Variants in CPED1 observed in about 807,000 individuals in gnomAD.
CPED1 encodes cadherin like and PC-esterase domain containing 1.
In CPED1, 114 loss-of-function variants were observed where a neutral mutation model predicts 128.2. The ratio of observed to expected loss-of-function variants is 0.89; its 90% CI spans 0.76 to 1.04. The LOEUF (loss-of-function observed/expected upper bound fraction) is 1.04, where lower values mean the gene tolerates loss of function less well. CPED1 is among the 50% of genes least tolerant of loss of function. CPED1 has a pLI of 0.00. For missense variants in CPED1, 1,211 were observed against 1,207.1 expected, an observed-to-expected ratio of 1.00 and a Z score of -0.05; for synonymous variants, 462 against 426.7, an observed-to-expected ratio of 1.08 and a Z score of -1.02.
chr7:121,114,731 G>A (rs1295625915), intron 7 of CPED1, among the ~76,000 whole-genome samples: 1 of 152,124 alleles, frequency 6.6e-6, no homozygotes, highest in Non-Finnish European at 1.5e-5. Context: ...CAAAGGCCTT[G>A]GCCATATGTC....
rs189229363 is a variant in CPED1, at chr7:121,167,927, G to A, written c.2055+25786G>A. Reference sequence around the variant, plus strand: ...TTTTTGTATTTTTAGTAGAGATGGGGTTTCACCGTGTTAGCCAGGATGGTC... The same window carrying A: ...TTTTTGTATTTTTAGTAGAGATGGGATTTCACCGTGTTAGCCAGGATGGTC... On this transcript the variant is annotated intron_variant, in intron 16 of 22. Transcript: ENST00000310396. Among the ~76,000 whole-genome samples the A allele has an allele frequency of 4.8e-3, 723 of 151,980 alleles. 9 individuals are homozygous for A. The highest frequency in any genetic ancestry group is 0.016 in the African/African-American group (680 of 41,450).
chr7:121,262,233 G>A (rs569118077), intron 18 of CPED1, among the ~76,000 whole-genome samples: 1 of 152,134 alleles, frequency 6.6e-6, no homozygotes, highest in African/African-American at 2.4e-5. Context: ...AGCAGATGCT[G>A]GTGCCATGCT....
At chr7:121,294,253 A>T (rs1295802330) in intron 22 of CPED1, among the ~76,000 whole-genome samples, 1 of 152,210 alleles carries the variant, frequency 6.6e-6, no homozygotes, top group Non-Finnish European at 1.5e-5. Context: ...CCATGAATGA[A>T]ATCACAAGAA....
intron 4 of CPED1, among the ~76,000 whole-genome samples, chr7:121,054,350 A>G (rs1793437992): frequency 6.6e-6 from 1 of 152,182 alleles, no homozygotes; most frequent in African/African-American, 2.4e-5. Flanking sequence ...AGACAGTGAG[A>G]AAATTGGATC....
At chr7:121,132,518 C>T (rs1185189455) in intron 12 of CPED1, among the ~76,000 whole-genome samples, 2 of 151,870 alleles carry the variant, frequency 1.3e-5, no homozygotes, top group Admixed American at 6.6e-5. Context: ...TTGACAATAC[C>T]AGGTAATAGT....
chr7:121,212,397 T>C (rs1461810681), intron 16 of CPED1, among the ~76,000 whole-genome samples: 1 of 151,968 alleles, frequency 6.6e-6, no homozygotes, highest in Admixed American at 6.6e-5. Flanking sequence ...TAGGAAAGGA[T>C]CAATTGCTTT....
At chr7:121,189,114 G>C (rs182875761) in intron 16 of CPED1, among the ~76,000 whole-genome samples, 1 of 152,244 alleles carries the variant, frequency 6.6e-6, no homozygotes, top group African/African-American at 2.4e-5. Context: ...ACATAATGGT[G>C]TTCCATTCTA....
At chr7:121,075,466 A>G (rs578027875) in intron 5 of CPED1, among the ~76,000 whole-genome samples, 1 of 152,010 alleles carries the variant, frequency 6.6e-6, no homozygotes, top group East Asian at 1.9e-4. Context: ...CATGTGTATA[A>G]GTTTTTATTT....
At chr7:120,989,296 A>G in intron 1 of CPED1, 95 bp from the exon 2 acceptor site, 1 of 312,486 alleles carries the variant, frequency 3.2e-6, no homozygotes, top group Non-Finnish European at 6.1e-6. Flanking sequence ...AGATGTGAGA[A>G]TAAGGCATTG....
At chr7:121,057,833 G>T (rs142529207) in intron 4 of CPED1, among the ~76,000 whole-genome samples, 189 of 152,268 alleles carry the variant, frequency 1.2e-3, no homozygotes, top group African/African-American at 4.1e-3. Flanking sequence ...GACATTTATG[G>T]GTAGACGGGG....
intron 22 of CPED1, among the ~76,000 whole-genome samples, chr7:121,282,294 A>G (rs1166721451): frequency 1.3e-5 from 2 of 152,128 alleles, no homozygotes; most frequent in African/African-American, 2.4e-5. Flanking sequence ...GTTTACTATT[A>G]TTATTATGCT....
chr7:121,137,462 C>T (rs1795810407), intron 14 of CPED1, among the ~76,000 whole-genome samples: 4 of 151,910 alleles, frequency 2.6e-5, no homozygotes, highest in Admixed American at 2.0e-4. Flanking sequence ...AATGAGCCAC[C>T]GTGGCTGGCC....
intron 11 of CPED1, among the ~76,000 whole-genome samples, chr7:121,129,741 G>A (rs1795616791): frequency 6.6e-6 from 1 of 151,796 alleles, no homozygotes; most frequent in African/African-American, 2.4e-5. Context: ...TTTATTTGCG[G>A]GGGAAAGAGG....
At chr7:121,099,741 GCTGTACCTCT>G (rs1794796074) in intron 6 of CPED1, among the ~76,000 whole-genome samples, 175 bp from the exon 7 acceptor site, 1 of 152,038 alleles carries the variant, frequency 6.6e-6, no homozygotes, top group Non-Finnish European at 1.5e-5. Context: ...ACTCCTTCTC[GCTGTACCTCT>G]CCACCACCTG....
At chr7:121,106,825 G>C (rs1007843576) in intron 7 of CPED1, among the ~76,000 whole-genome samples, 5 of 152,138 alleles carry the variant, frequency 3.3e-5, no homozygotes, top group African/African-American at 7.2e-5. Context: ...ATCTCTGCGG[G>C]CTCTTCCTCT....
intron 22 of CPED1, among the ~76,000 whole-genome samples, chr7:121,291,614 T>A (rs540399677): frequency 2.3e-4 from 35 of 152,188 alleles, no homozygotes; most frequent in Non-Finnish European, 4.9e-4. Context: ...CTATAATTGG[T>A]GTATAGGAAT....
intron 4 of CPED1, among the ~76,000 whole-genome samples, chr7:121,057,952 T>C (rs923587952): frequency 5.9e-5 from 9 of 151,814 alleles, no homozygotes; most frequent in African/African-American, 2.2e-4. Flanking sequence ...ACCAAGAAAG[T>C]GACATTTGAG....
At chr7:121,051,120 A>C (rs1055952001) in intron 4 of CPED1, 1 of 525,390 alleles carries the variant, frequency 1.9e-6, no homozygotes, top group Non-Finnish European at 3.8e-6. Flanking sequence ...AAACTAAAGA[A>C]GATTTACCTG....
rs1792947030 is a variant in CPED1, at chr7:121,038,042, G to A, written c.434-8845G>A. Among the ~76,000 whole-genome samples, 3 of 152,094 alleles carry A rather than the reference G, an allele frequency of 2.0e-5. No homozygotes were observed. The South Asian group carries it at 6.2e-4, about 32-fold the overall frequency. On this transcript the variant is annotated intron_variant, in intron 3 of 22. Coordinates refer to ENST00000310396, the MANE Select transcript of CPED1 (RefSeq NM_024913.5). ...CCAGTTCTAGAATCTTTCTGGATGA[G>A]TCTTTAGGGTTTTCTAGGTATACAA...
Sources: allele counts gnomAD v4.1 joint callset (sites outside exome capture counted in the v4.1 genomes callset), GRCh38; gene constraint gnomAD v4.1.1; transcripts MANE v1.5; gene names NCBI Gene and HGNC (gene_info 2026-07-23, HGNC 2026-07-21).